Variants in MYOF observed in about 807,000 individuals in gnomAD.
The protein encoded by MYOF is fer-1-like 3, myoferlin.
MYOF carries 244 observed loss-of-function variants against 284.2 expected under a neutral mutation model. The observed-to-expected ratio is 0.86, with a 90% confidence interval of 0.77 to 0.95. MYOF has a LOEUF of 0.95. MYOF is among the 40% of genes least tolerant of loss of function. MYOF has a pLI of 0.00. For synonymous variants in MYOF, 904 were observed against 919.7 expected, an observed-to-expected ratio of 0.98 and a Z score of 0.31; for missense variants, 2,496 against 2,560.6, an observed-to-expected ratio of 0.97 and a Z score of 0.54.
At chr10:93,326,088 G>A in intron 45 of MYOF, 123 bp from the exon 46 acceptor site, 1 of 1,249,450 alleles carries the variant, frequency 8.0e-7, no homozygotes, top group Non-Finnish European at 1.1e-6. Flanking sequence ...GTGCCAACAT[G>A]CAAACTTTGA....
rs1228406538 is a variant in MYOF at position 93,323,285 on chromosome 10, G to A, written c.5345C>T (p.Pro1782Leu). 2 of 1,614,080 alleles carry A rather than the reference G, an allele frequency of 1.2e-6. No individual in the cohort carries two copies. Among genetic ancestry groups the A allele is most frequent in the South Asian group, 2.2e-5 (2 of 91,070 alleles). ...ACTGACTTACTTCTTGGCTTTCCGG[G>A]GTGTGATGTTGAAAGGAGGGCCTGG... The part of the protein sequence containing the change: ...GPPGPPFNIT[P>L]RKAKKYYLRV... Residue 1782 changes from proline to leucine, a missense_variant, in exon 47 of 54, where the codon CCC becomes CTC. By Grantham distance (98) the Pro-to-Leu change is moderately conservative. Coordinates refer to ENST00000359263, the MANE Select transcript of MYOF (RefSeq NM_013451.4).
At chr10:93,463,892 G>C (rs2056944289) in intron 1 of MYOF, among the ~76,000 whole-genome samples, 2 of 141,530 alleles carry the variant, frequency 1.4e-5, no homozygotes, top group Non-Finnish European at 3.0e-5. Context: ...AAAAAGGCCT[G>C]AAAGACATCA....
chr10:93,318,110 A>G (rs974077037), intron 49 of MYOF, among the ~76,000 whole-genome samples: 1 of 152,150 alleles, frequency 6.6e-6, no homozygotes, highest in Admixed American at 6.6e-5. Context: ...ATGCCACACC[A>G]TCTGAAAGTG....
chr10:93,341,804 CT>C (rs1843931256), intron 38 of MYOF: 3 of 677,470 alleles, frequency 4.4e-6, no homozygotes, highest in Non-Finnish European at 6.5e-6. Context: ...TTAAAGATCA[CT>C]TTTCACTCCA....
intron 48 of MYOF, among the ~76,000 whole-genome samples, chr10:93,320,576 A>G (rs1325618423): frequency 6.6e-6 from 1 of 152,194 alleles, no homozygotes; most frequent in African/African-American, 2.4e-5. Flanking sequence ...CCACATGCAT[A>G]TCTATGAGCA....
chr10:93,317,745 C>T (rs1333549613), intron 49 of MYOF, among the ~76,000 whole-genome samples: 1 of 152,230 alleles, frequency 6.6e-6, no homozygotes, highest in Non-Finnish European at 1.5e-5. Context: ...AAGTGTCCTT[C>T]AAGTTCTTGC....
intron 25 of MYOF, 76 bp from the exon 26 acceptor site, chr10:93,366,631 T>A (rs1564654012): frequency 7.7e-7 from 1 of 1,296,944 alleles, no homozygotes; most frequent in East Asian, 2.4e-5. Flanking sequence ...ATTTTCAAGT[T>A]CATCGAGGAC....
chr10:93,396,103 C>A, intron 16 of MYOF, 39 bp downstream of exon 16: 1 of 1,489,218 alleles, frequency 6.7e-7, no homozygotes, highest in Non-Finnish European at 9.2e-7. Context: ...GAGAAAAGTT[C>A]TGTATCCAGT....
intron 27 of MYOF, among the ~76,000 whole-genome samples, chr10:93,362,473 G>A (rs1845123101): frequency 6.6e-6 from 1 of 151,700 alleles, no homozygotes; most frequent in African/African-American, 2.4e-5. Context: ...TCAAACTCCT[G>A]ACCTTCAGCG....
chr10:93,476,124 C>T (rs2057254685), intron 1 of MYOF, among the ~76,000 whole-genome samples: 2 of 151,738 alleles, frequency 1.3e-5, no homozygotes, highest in South Asian at 2.1e-4. Flanking sequence ...TAGGGATCTT[C>T]TTGATGAGTC....
intron 19 of MYOF, among the ~76,000 whole-genome samples, chr10:93,386,257 A>G (rs953570532): frequency 6.6e-6 from 1 of 152,184 alleles, no homozygotes; most frequent in Non-Finnish European, 1.5e-5. Flanking sequence ...ACTAGCATGC[A>G]AACTGTCCCT....
intron 5 of MYOF, among the ~76,000 whole-genome samples, chr10:93,418,548 G>A (rs968523870): frequency 1.3e-5 from 2 of 152,152 alleles, no homozygotes; most frequent in Non-Finnish European, 2.9e-5. Flanking sequence ...AGTCCTGCGG[G>A]GCAATTGAGG....
intron 22 of MYOF, 142 bp from the exon 23 acceptor site, chr10:93,375,097 G>C: frequency 1.3e-6 from 1 of 797,626 alleles, no homozygotes; most frequent in Non-Finnish European, 1.9e-6. Context: ...GCACTGCCTG[G>C]TTTACGCTGG....
chr10:93,317,903 A>C (rs1258671140), intron 49 of MYOF, among the ~76,000 whole-genome samples: 1 of 152,164 alleles, frequency 6.6e-6, no homozygotes, highest in African/African-American at 2.4e-5. Flanking sequence ...TATTCCAGGA[A>C]TGTTTTCCTT....
At chr10:93,440,526 A>T (rs981631962) in intron 3 of MYOF, among the ~76,000 whole-genome samples, 6 of 152,002 alleles carry the variant, frequency 3.9e-5, no homozygotes. Context: ...TCTTCGTATC[A>T]CTTATCACCA....
intron 4 of MYOF, among the ~76,000 whole-genome samples, chr10:93,426,782 A>G (rs911092182): frequency 2.0e-5 from 3 of 151,864 alleles, no homozygotes; most frequent in Non-Finnish European, 4.4e-5. Flanking sequence ...CCAGCTACTC[A>G]GAGGCTGAGG....
At chr10:93,323,879 G>A (rs1428310383) in intron 46 of MYOF, among the ~76,000 whole-genome samples, 3 of 152,136 alleles carry the variant, frequency 2.0e-5, no homozygotes, top group Non-Finnish European at 4.4e-5. Context: ...TAAAATCAAA[G>A]TAATGAATGC....
intron 51 of MYOF, among the ~76,000 whole-genome samples, chr10:93,311,964 G>A (rs974419292): frequency 2.0e-5 from 3 of 152,230 alleles, no homozygotes; most frequent in Admixed American, 1.3e-4. Flanking sequence ...ACTGCAGAGA[G>A]AGAGCACAAG....
intron 1 of MYOF, among the ~76,000 whole-genome samples, chr10:93,476,403 C>G (rs1356698036): frequency 4.6e-5 from 7 of 151,894 alleles, no homozygotes; most frequent in Non-Finnish European, 8.8e-5. Flanking sequence ...AGGGGCCCAC[C>G]ACCACGCCCA....
Sources: allele counts gnomAD v4.1 joint callset (sites outside exome capture counted in the v4.1 genomes callset), GRCh38; gene constraint gnomAD v4.1.1; transcripts MANE v1.5; gene names NCBI Gene and HGNC (gene_info 2026-07-23, HGNC 2026-07-21).